Variants in STX8 observed in about 807,000 individuals in gnomAD.
STX8 encodes the protein syntaxin-8.
STX8 carries 23 observed loss-of-function variants against 37.5 expected under a neutral mutation model. The ratio of observed to expected loss-of-function variants is 0.61; its 90% CI spans 0.44 to 0.87. The LOEUF (loss-of-function observed/expected upper bound fraction) is 0.87, where lower values mean the gene tolerates loss of function less well. STX8 is among the 40% of genes least tolerant of loss of function. The pLI is 0.00. For missense variants in STX8, 313 were observed against 284.7 expected, an observed-to-expected ratio of 1.10 and a Z score of -0.71; for synonymous variants, 115 against 99.1, an observed-to-expected ratio of 1.16 and a Z score of -0.95.
intron 4 of STX8, among the ~76,000 whole-genome samples, chr17:9,544,788 C>T (rs761795631): frequency 6.6e-6 from 1 of 152,054 alleles, no homozygotes; most frequent in Non-Finnish European, 1.5e-5. Flanking sequence ...GTCAGGAGAT[C>T]GAGACCATCC....
intron 7 of STX8, among the ~76,000 whole-genome samples, chr17:9,259,625 A>G (rs879494785): frequency 1.3e-5 from 2 of 152,210 alleles, no homozygotes; most frequent in Non-Finnish European, 2.9e-5. Flanking sequence ...GCTGGGCGGA[A>G]TGCTGGCGGC....
At chr17:9,556,590 C>G (rs1906972136) in intron 3 of STX8, among the ~76,000 whole-genome samples, 1 of 151,576 alleles carries the variant, frequency 6.6e-6, no homozygotes, top group Non-Finnish European at 1.5e-5. Context: ...TACAGGCGTG[C>G]ACCACCACGC....
chr17:9,560,950 T>G (rs1031269313), intron 2 of STX8, among the ~76,000 whole-genome samples: 2 of 152,178 alleles, frequency 1.3e-5, no homozygotes, highest in African/African-American at 4.8e-5. Flanking sequence ...ACAATGTAGC[T>G]GTATAAAAAT....
intron 6 of STX8, among the ~76,000 whole-genome samples, chr17:9,385,899 A>G (rs1911985832): frequency 6.6e-6 from 1 of 152,136 alleles, no homozygotes; most frequent in South Asian, 2.1e-4. Context: ...CGCCCTCCTG[A>G]GTAGCTGGGA....
At chr17:9,257,814 C>A (rs1243355094) in intron 7 of STX8, among the ~76,000 whole-genome samples, 1 of 152,256 alleles carries the variant, frequency 6.6e-6, no homozygotes, top group African/African-American at 2.4e-5. Context: ...ATGGCCAAAC[C>A]CCGTCTCTAC....
At chr17:9,329,985 T>C (rs1225160103) in intron 7 of STX8, among the ~76,000 whole-genome samples, 2 of 151,870 alleles carry the variant, frequency 1.3e-5, no homozygotes, top group Admixed American at 6.6e-5. Context: ...TGGTCATAGC[T>C]AAGAGGAAGG....
chr17:9,524,228 T>C (rs1387543308), intron 4 of STX8, among the ~76,000 whole-genome samples: 1 of 152,202 alleles, frequency 6.6e-6, no homozygotes, highest in Admixed American at 6.5e-5. Flanking sequence ...CCACTTGCGG[T>C]ATCAATTTCT....
chr17:9,552,583 ACTTATCTATCTACTTACCTAT>A (rs1164970700), intron 3 of STX8, among the ~76,000 whole-genome samples: 1 of 152,060 alleles, frequency 6.6e-6, no homozygotes, highest in Non-Finnish European at 1.5e-5. Flanking sequence ...CTGTCTATGC[ACTTATCTATCTACTTACCTAT>A]CTTTGTTTTT....
intron 4 of STX8, among the ~76,000 whole-genome samples, chr17:9,534,621 C>T (rs532477606): frequency 6.6e-6 from 1 of 152,240 alleles, no homozygotes; most frequent in South Asian, 2.1e-4. Flanking sequence ...AACTCCGTCT[C>T]TTCTAAAAAT....
intron 6 of STX8, among the ~76,000 whole-genome samples, chr17:9,485,895 G>T (rs1288486922): frequency 2.0e-5 from 3 of 152,148 alleles, no homozygotes; most frequent in African/African-American, 7.2e-5. Context: ...CAATCCGGGA[G>T]TTCTAAATCT....
At chr17:9,259,973 T>G (rs1906948285) in intron 7 of STX8, among the ~76,000 whole-genome samples, 1 of 151,992 alleles carries the variant, frequency 6.6e-6, no homozygotes, top group Admixed American at 6.5e-5. Flanking sequence ...ATCCCAGCAC[T>G]TTGGGAGGTC....
chr17:9,565,716 T>G (rs1256606203), intron 2 of STX8, among the ~76,000 whole-genome samples: 1 of 151,874 alleles, frequency 6.6e-6, no homozygotes, highest in Non-Finnish European at 1.5e-5. Context: ...GGGGAAGGAT[T>G]CCCTATTCAA....
chr17:9,365,155 C>G (rs553998950), intron 7 of STX8, among the ~76,000 whole-genome samples: 103 of 152,234 alleles, frequency 6.8e-4, no homozygotes, highest in Non-Finnish European at 1.2e-3. Flanking sequence ...TTTTATTTGG[C>G]CCACATGGTA....
chr17:9,392,551 G>C (rs1308436510), intron 6 of STX8, among the ~76,000 whole-genome samples: 6 of 152,174 alleles, frequency 3.9e-5, no homozygotes, highest in Admixed American at 1.3e-4. Flanking sequence ...AGGCTGCAGT[G>C]AGCTGTGACT....
chr17:9,373,149 G>T (rs569824093), intron 7 of STX8, among the ~76,000 whole-genome samples: 105 of 149,536 alleles, frequency 7.0e-4, no homozygotes, highest in Non-Finnish European at 1.2e-3. Context: ...AAAAGAAAAA[G>T]AAAATACTGG....
chr17:9,451,133 C>T (rs936204065), intron 6 of STX8, among the ~76,000 whole-genome samples: 3 of 152,238 alleles, frequency 2.0e-5, no homozygotes, highest in African/African-American at 7.2e-5. Flanking sequence ...ACCGTCCCTC[C>T]CTTCCAGCAT....
intron 1 of STX8, among the ~76,000 whole-genome samples, chr17:9,570,615 G>A (rs1179875326): frequency 6.6e-6 from 1 of 151,814 alleles, no homozygotes; most frequent in Non-Finnish European, 1.5e-5. Flanking sequence ...GAAAACAGGA[G>A]GCTAATAAGG....
At chr17:9,288,025 G>A (rs1039736951) in intron 7 of STX8, among the ~76,000 whole-genome samples, 1 of 140,052 alleles carries the variant, frequency 7.1e-6, no homozygotes, top group South Asian at 2.4e-4. Context: ...TGGGATTACA[G>A]GTGTGAGCCA....
At chr17:9,496,940 C>T (rs1271163703) in intron 5 of STX8, among the ~76,000 whole-genome samples, 2 of 152,220 alleles carry the variant, frequency 1.3e-5, no homozygotes, top group Non-Finnish European at 2.9e-5. Flanking sequence ...CTGCATTGGA[C>T]TACTCACCTA....
Sources: allele counts gnomAD v4.1 joint callset (sites outside exome capture counted in the v4.1 genomes callset), GRCh38; gene constraint gnomAD v4.1.1; transcripts MANE v1.5; gene names NCBI Gene and HGNC (gene_info 2026-07-23, HGNC 2026-07-21).